The following SUCO variants were observed in gnomAD, a reference collection of about 807,000 sequenced individuals.
SUCO encodes SUN domain-containing ossification factor.
In SUCO, 57 loss-of-function variants were observed where a neutral mutation model predicts 148.1. The observed-to-expected ratio is 0.38, with a 90% CI of 0.31 to 0.48. The LOEUF (loss-of-function observed/expected upper bound fraction) is 0.48, where lower values mean the gene tolerates loss of function less well. SUCO is among the 20% of genes least tolerant of loss of function. The probability of loss-of-function intolerance (pLI) is 0.96; values close to 1 mark genes in which losing one functional copy is unlikely to be tolerated. For missense variants in SUCO, 1,331 were observed against 1,468.2 expected, an observed-to-expected ratio of 0.91 and a Z score of 1.53; for synonymous variants, 470 against 502.7, an observed-to-expected ratio of 0.93 and a Z score of 0.87.
upstream of SUCO, chr1:172,532,443 A>G: frequency 6.4e-7 from 1 of 1,559,014 alleles, no homozygotes; most frequent in Non-Finnish European, 8.7e-7. Context: ...GAGAAGAAAA[A>G]GCGAAAGGTT....
At chr1:172,545,567 A>G (rs929111053) in intron 1 of SUCO, among the ~76,000 whole-genome samples, 5 of 152,196 alleles carry the variant, frequency 3.3e-5, no homozygotes, top group African/African-American at 1.2e-4. Flanking sequence ...GAGGTACCAC[A>G]TGCAGCAGGG....
At chr1:172,602,337 G>C in intron 21 of SUCO, 119 bp downstream of exon 21, 1 of 1,404,938 alleles carries the variant, frequency 7.1e-7, no homozygotes, top group Non-Finnish European at 9.3e-7. Context: ...TGATTATCTT[G>C]AAACCAAAAC....
intron 6 of SUCO, among the ~76,000 whole-genome samples, chr1:172,558,614 T>C (rs1168918043): frequency 6.6e-6 from 1 of 152,208 alleles, no homozygotes; most frequent in Non-Finnish European, 1.5e-5. Flanking sequence ...TTCTGGAGAC[T>C]TTCACTATCA....
chr1:172,535,020 C>G (rs1651908058), intron 1 of SUCO, among the ~76,000 whole-genome samples: 1 of 152,172 alleles, frequency 6.6e-6, no homozygotes, highest in Non-Finnish European at 1.5e-5. Context: ...GTGATTCTTA[C>G]AATCATTTGT....
chr1:172,591,891 A>C (rs139435626), intron 19 of SUCO, among the ~76,000 whole-genome samples: 1,751 of 152,260 alleles, frequency 0.012, 12 homozygotes, highest in Non-Finnish European at 0.017. Flanking sequence ...TTTACAGTCC[A>C]ACCAGCAATG....
intron 21 of SUCO, chr1:172,602,434 A>G: frequency 1.0e-6 from 1 of 983,360 alleles, no homozygotes; most frequent in Non-Finnish European, 1.2e-6. Flanking sequence ...TAGTAAGTGC[A>G]TGAAACCCCT....
rs1392947831 is a variant in SUCO, at chr1:172,575,550, C to G, written c.1190C>G (p.Thr397Ser). ...ACAAATAAGTGGATTAAGCTGGGTA[C>G]TTTTCATGGTAGAGATGAGCGGAAT... ...YPTNKWIKLGTFHGRDERNVQ... is the reference protein window; with the variant it reads ...YPTNKWIKLGSFHGRDERNVQ... Residue 397 changes from threonine to serine, a missense_variant, in exon 11 of 24, where the codon ACT becomes AGT. Physicochemically the swap from Thr to Ser is moderately conservative, Grantham distance 58 (BLOSUM62 1). Around this residue, in one of 3 missense-constraint regions of SUCO, gnomAD observed 992 missense variants for 1,093.5 expected, o/e 0.91. Coordinates refer to ENST00000263688, the MANE Select transcript of SUCO (RefSeq NM_014283.5). 4 of 1,611,876 alleles carry G rather than the reference C, an allele frequency of 2.5e-6. No individual in the cohort carries two copies. Among genetic ancestry groups the G allele is most frequent in the Non-Finnish European group, 3.4e-6 (4 of 1,178,584 alleles).
chr1:172,600,057 A>G lies in SUCO; in HGVS notation c.2914-7A>G. 3 of 1,576,546 alleles carry G rather than the reference A, an allele frequency of 1.9e-6. No homozygotes were observed. Among genetic ancestry groups the G allele is most frequent in the South Asian group, 1.2e-5 (1 of 84,730 alleles). On this transcript the variant is annotated splice_region_variant and splice_polypyrimidine_tract_variant and intron_variant, in intron 19 of 23. Coordinates refer to ENST00000263688, the MANE Select transcript of SUCO (RefSeq NM_014283.5). ...TATTCAAAAAAAAATAAATTCCTTT[A>G]TCATAGGATCAGCGGCAAACTGAAG...
intron 9 of SUCO, among the ~76,000 whole-genome samples, chr1:172,571,720 GGGATGTGAGGA>G (rs1360649523): frequency 2.5e-5 from 2 of 79,470 alleles, no homozygotes; most frequent in African/African-American, 1.2e-4. Flanking sequence ...CGCCCCGTCT[GGGATGTGAGGA>G]GCGCCTCTAC....
intron 18 of SUCO, chr1:172,590,304 A>G (rs1243584608): frequency 1.0e-6 from 1 of 982,898 alleles, no homozygotes. Flanking sequence ...GAATTTGACC[A>G]GATATCACTT....
intron 19 of SUCO, among the ~76,000 whole-genome samples, chr1:172,599,218 A>G (rs1479611011): frequency 6.6e-6 from 1 of 152,022 alleles, no homozygotes; most frequent in Non-Finnish European, 1.5e-5. Flanking sequence ...AGTCCCAGCT[A>G]CTCGGGAGGC....
intron 1 of SUCO, among the ~76,000 whole-genome samples, chr1:172,546,777 T>G (rs1652893118): frequency 6.6e-6 from 1 of 152,044 alleles, no homozygotes; most frequent in Admixed American, 6.5e-5. Flanking sequence ...GACATTTTGG[T>G]GCTTGCATGT....
chr1:172,533,088 A>G (rs1571159389), upstream of SUCO: 8 of 1,429,368 alleles, frequency 5.6e-6, no homozygotes, highest in East Asian at 2.1e-4. Flanking sequence ...TTGAGAGGCG[A>G]GTACGCGGCG....
chr1:172,577,883 T>C (rs1031813574), intron 13 of SUCO, 64 bp downstream of exon 13: 4 of 1,243,020 alleles, frequency 3.2e-6, no homozygotes, highest in African/African-American at 3.1e-5. Flanking sequence ...ATTTTCGATA[T>C]ATTTAAAGTG....
chr1:172,582,287 A>C (rs1353610997), intron 15 of SUCO, among the ~76,000 whole-genome samples: 2 of 152,176 alleles, frequency 1.3e-5, no homozygotes, highest in African/African-American at 4.8e-5. Context: ...AAATGTGGGC[A>C]TGCTTCAGAG....
intron 2 of SUCO, 156 bp downstream of exon 2, chr1:172,551,782 T>G: frequency 1.8e-6 from 1 of 570,644 alleles, no homozygotes; most frequent in Non-Finnish European, 3.1e-6. Flanking sequence ...TCTTAAATTA[T>G]GACGGCTCAG....
At chr1:172,586,166 G>T (rs772849000) in intron 17 of SUCO, among the ~76,000 whole-genome samples, 43 of 122,578 alleles carry the variant, frequency 3.5e-4, no homozygotes, top group East Asian at 7.8e-4. Context: ...AACTTTTTTT[G>T]GGGGGGGTAT....
chr1:172,549,678 TTGGAAAA>T (rs1653128650), intron 1 of SUCO, among the ~76,000 whole-genome samples: 1 of 152,022 alleles, frequency 6.6e-6, no homozygotes, highest in Non-Finnish European at 1.5e-5. Context: ...GCTATATTGT[TTGGAAAA>T]TTTTTCCTGA....
At chr1:172,564,212 A>G (rs1654392989) in intron 6 of SUCO, among the ~76,000 whole-genome samples, 1 of 152,234 alleles carries the variant, frequency 6.6e-6, no homozygotes, top group Admixed American at 6.5e-5. Context: ...GGAACCCCCA[A>G]TCCCCAGCAT....
Sources: gnomAD v4.1 joint callset for allele counts (sites outside exome capture counted in the v4.1 genomes callset) on GRCh38, gnomAD v4.1.1 for gene constraint, gnomAD v4.1.1 regional missense constraint, MANE v1.5 for transcripts, NCBI Gene and HGNC (gene_info 2026-07-23, HGNC 2026-07-21) for gene names.